The following XKR6 variants were observed in gnomAD, a reference collection of about 807,000 sequenced individuals.
The protein encoded by XKR6 is XK-related protein 6.
In XKR6, 22 loss-of-function variants were observed where a neutral mutation model predicts 56.7. The observed-to-expected ratio is 0.39, with a 90% CI of 0.28 to 0.55. The LOEUF (loss-of-function observed/expected upper bound fraction) is 0.55, where lower values mean the gene tolerates loss of function less well. Ranked by LOEUF, XKR6 falls within the 20% of genes least tolerant of loss-of-function variation. The probability of loss-of-function intolerance (pLI) is 0.66; values close to 1 mark genes in which losing one functional copy is unlikely to be tolerated. For missense variants in XKR6, 852 were observed against 889.0 expected (o/e 0.96, Z 0.53); for synonymous variants, 524 against 387.8 (o/e 1.35, Z -4.13).
At chr8:11,003,326 AT>A (rs2129143662) in intron 1 of XKR6, among the ~76,000 whole-genome samples, 1 of 151,934 alleles carries the variant, frequency 6.6e-6, no homozygotes, top group African/African-American at 2.4e-5. Flanking sequence ...CACCACCACC[AT>A]CATTATCATC....
At chr8:11,180,426 C>T (rs994278563) in intron 1 of XKR6, among the ~76,000 whole-genome samples, 1 of 152,230 alleles carries the variant, frequency 6.6e-6, no homozygotes, top group African/African-American at 2.4e-5. Context: ...CACCCTTGGC[C>T]TCTACCAACT....
chr8:11,149,655 A>G (rs1586618062), intron 1 of XKR6, among the ~76,000 whole-genome samples: 2 of 152,206 alleles, frequency 1.3e-5, no homozygotes, highest in East Asian at 1.9e-4. Context: ...GAGAATGTCA[A>G]TTAGTACAGC....
intron 1 of XKR6, among the ~76,000 whole-genome samples, chr8:11,173,927 G>A (rs1802517037): frequency 6.6e-6 from 1 of 152,212 alleles, no homozygotes; most frequent in South Asian, 2.1e-4. Context: ...GGAAGAACAT[G>A]ACAACTTACT....
intron 1 of XKR6, among the ~76,000 whole-genome samples, chr8:11,078,697 C>T (rs1338750709): frequency 6.6e-6 from 1 of 152,196 alleles, no homozygotes; most frequent in Non-Finnish European, 1.5e-5. Flanking sequence ...GGCTCAGCAG[C>T]AGTCCAGGAA....
chr8:10,957,853 T>C (rs1801941511), intron 1 of XKR6, among the ~76,000 whole-genome samples: 1 of 152,160 alleles, frequency 6.6e-6, no homozygotes, highest in African/African-American at 2.4e-5. Context: ...TAAACCAAGT[T>C]AGGATCCAAC....
intron 1 of XKR6, among the ~76,000 whole-genome samples, chr8:10,961,205 T>A (rs1802049570): frequency 1.3e-5 from 2 of 152,126 alleles, no homozygotes; most frequent in South Asian, 4.1e-4. Context: ...CTGAAAAGAT[T>A]TAAACAGTGA....
intron 1 of XKR6, among the ~76,000 whole-genome samples, chr8:11,154,335 G>T (rs1264387229): frequency 6.6e-6 from 1 of 152,236 alleles, no homozygotes; most frequent in South Asian, 2.1e-4. Flanking sequence ...GAGATTCCTT[G>T]GTTGGCAACA....
chr8:11,041,067 C>T (rs759342317), intron 1 of XKR6, among the ~76,000 whole-genome samples: 2 of 152,228 alleles, frequency 1.3e-5, no homozygotes, highest in African/African-American at 4.8e-5. Flanking sequence ...GCCTCTCAAA[C>T]AGCATTGGTG....
chr8:11,096,613 G>A (rs1026922636), intron 1 of XKR6, among the ~76,000 whole-genome samples: 1 of 152,192 alleles, frequency 6.6e-6, no homozygotes, highest in Admixed American at 6.5e-5. Context: ...AAGATGGACC[G>A]ATGTTAGTCA....
At chr8:10,979,515 G>T (rs781168957) in intron 1 of XKR6, among the ~76,000 whole-genome samples, 1 of 152,012 alleles carries the variant, frequency 6.6e-6, no homozygotes. Flanking sequence ...CTCCGGTCTG[G>T]TCCTTTAGAA....
At chr8:10,900,308 G>C (rs183658475) in intron 2 of XKR6, among the ~76,000 whole-genome samples, 1 of 152,010 alleles carries the variant, frequency 6.6e-6, no homozygotes, top group African/African-American at 2.4e-5. Flanking sequence ...GCTTCTGCTC[G>C]TCTCTCCCCG....
chr8:10,924,564 G>A, intron 2 of XKR6, 70 bp downstream of exon 2: 1 of 1,536,766 alleles, frequency 6.5e-7, no homozygotes, highest in Non-Finnish European at 8.8e-7. Flanking sequence ...CACGAAGTGT[G>A]TGGGAGGCGG....
intron 1 of XKR6, among the ~76,000 whole-genome samples, chr8:10,996,753 C>T (rs1798122443): frequency 6.6e-6 from 1 of 152,168 alleles, no homozygotes; most frequent in Admixed American, 6.5e-5. Context: ...TGGTTCATGC[C>T]TGTAATCCTA....
At chr8:10,945,828 C>T (rs538392925) in intron 1 of XKR6, among the ~76,000 whole-genome samples, 7 of 152,154 alleles carry the variant, frequency 4.6e-5, no homozygotes, top group African/African-American at 7.2e-5. Flanking sequence ...CTGGGGAACC[C>T]GAGAGCTGGG....
intron 1 of XKR6, among the ~76,000 whole-genome samples, chr8:11,188,403 T>C (rs1481293090): frequency 2.6e-5 from 4 of 152,218 alleles, no homozygotes; most frequent in African/African-American, 9.6e-5. Context: ...CATCATGTGA[T>C]TGTCTCTAAC....
chr8:11,041,448 C>G (rs965441400), intron 1 of XKR6, among the ~76,000 whole-genome samples: 3 of 151,742 alleles, frequency 2.0e-5, no homozygotes, highest in African/African-American at 7.3e-5. Flanking sequence ...TCCAGCTACT[C>G]GGGAGGCTGA....
rs1265797272 is a variant in XKR6, at chr8:11,200,716, C to A, written c.624G>T (p.Gly208=). 1 of 1,588,324 alleles carries A rather than the reference C, an allele frequency of 6.3e-7. No homozygotes were observed. The highest frequency in any genetic ancestry group is 8.5e-7 in the Non-Finnish European group (1 of 1,171,854). The change falls in exon 1 of 3, where the codon GGG becomes GGT. Residue 208 remains glycine (G), a synonymous_variant. Transcript: ENST00000416569. This position sits in a 1 kb window ranked among gnomAD's most constrained non-coding sequence, Gnocchi z 6.4. ...GLTSRGPPMM[G]AGYVHGAARG... is the part of the protein sequence containing the mutation. ...GGGCCGCGCCGTGGACGTAGCCGGC[C>A]CCCATCATGGGGGGGCCCCGGCTGG...
intron 1 of XKR6, among the ~76,000 whole-genome samples, chr8:11,099,668 A>G (rs1031283768): frequency 6.6e-6 from 1 of 152,230 alleles, no homozygotes; most frequent in Admixed American, 6.5e-5. Flanking sequence ...CAAATATTAT[A>G]TAGGTATTGA....
chr8:10,903,333 C>A (rs918225270), intron 2 of XKR6, among the ~76,000 whole-genome samples: 1 of 152,184 alleles, frequency 6.6e-6, no homozygotes, highest in African/African-American at 2.4e-5. Context: ...CCTGTGAATT[C>A]TGGGGACTCA....
Sources: allele counts gnomAD v4.1 joint callset (sites outside exome capture counted in the v4.1 genomes callset), GRCh38; gene constraint gnomAD v4.1.1; non-coding constraint Gnocchi (gnomAD v3.1); transcripts MANE v1.5; gene names NCBI Gene and HGNC (gene_info 2026-07-23, HGNC 2026-07-21).